Variants in CA12 observed in about 807,000 individuals in gnomAD.
CA12 encodes the protein carbonate dehydratase XII.
A neutral mutation model predicts 46.8 loss-of-function variants in CA12; 36 were observed. The ratio of observed to expected loss-of-function variants is 0.77; its 90% CI spans 0.59 to 1.02. CA12 has a LOEUF of 1.02. Ranked by LOEUF, CA12 falls within the 50% of genes least tolerant of loss-of-function variation. CA12 has a pLI of 0.00. For synonymous variants in CA12, 202 were observed against 187.0 expected (o/e 1.08, Z -0.65); for missense variants, 436 against 451.4 (o/e 0.97, Z 0.31).
intron 2 of CA12, among the ~76,000 whole-genome samples, chr15:63,360,536 C>A (rs1187468361): frequency 1.3e-5 from 2 of 152,204 alleles, no homozygotes; most frequent in African/African-American, 4.8e-5. Context: ...TGTCTCCCAA[C>A]ACTACCCCTC....
At chr15:63,369,230 A>G (rs2039471165) in intron 2 of CA12, among the ~76,000 whole-genome samples, 1 of 152,240 alleles carries the variant, frequency 6.6e-6, no homozygotes, top group African/African-American at 2.4e-5. Flanking sequence ...TCCTGGCTGT[A>G]AAAACTCACA....
chr15:63,351,709 A>G (rs937461134), intron 2 of CA12, among the ~76,000 whole-genome samples: 1 of 152,298 alleles, frequency 6.6e-6, no homozygotes, highest in Non-Finnish European at 1.5e-5. Context: ...GGTCCTGCCA[A>G]AGCTACCCCA....
chr15:63,346,366 C>T (rs995384950), intron 3 of CA12, among the ~76,000 whole-genome samples, 164 bp downstream of exon 3: 1 of 152,172 alleles, frequency 6.6e-6, no homozygotes, highest in African/African-American at 2.4e-5. Flanking sequence ...CCAGCATCCC[C>T]TGGAGAGAGT....
chr15:63,362,880 C>T (rs1313242484), intron 2 of CA12, among the ~76,000 whole-genome samples: 4 of 152,174 alleles, frequency 2.6e-5, no homozygotes, highest in South Asian at 2.1e-4. Context: ...TCTAGAGATG[C>T]GTGAAGTATA....
At chr15:63,343,556 T>C (rs2039109293) in intron 4 of CA12, among the ~76,000 whole-genome samples, 1 of 152,078 alleles carries the variant, frequency 6.6e-6, no homozygotes, top group African/African-American at 2.4e-5. Context: ...GCTGGGATTA[T>C]AGGTGTGAGC....
Position 63,328,085 on chromosome 15 carries a change from C to T in CA12, c.907+13G>A, listed in dbSNP as rs780055510. 17 of 1,612,614 alleles carry T rather than the reference C, an allele frequency of 1.1e-5. No homozygotes were observed. In the South Asian group the frequency reaches 1.9e-4, roughly 18 times the overall value. On this transcript the variant is annotated intron_variant, in intron 9 of 10. Transcript: ENST00000178638. This position sits in a 1 kb window ranked among gnomAD's most constrained non-coding sequence, Gnocchi z 5.9. ...CAGCTGCAGCATGCACGGCTGGCTGCCCAGCCACATACCCAGACTCAGTCC... is the reference window on the plus strand; with the variant it reads ...CAGCTGCAGCATGCACGGCTGGCTGTCCAGCCACATACCCAGACTCAGTCC...
rs2306719 is a variant in CA12, at chr15:63,341,039, T to C, written c.526-256A>G. On this transcript the variant is annotated intron_variant, in intron 5 of 10. Coordinates refer to ENST00000178638, the MANE Select transcript of CA12 (RefSeq NM_001218.5). The surrounding 1 kb of genome is among the most constrained non-coding windows in gnomAD (Gnocchi z 5.2). ...GTCCTGGGGCATAGGGTACCGTGTG[T>C]GCTCTTGATGATCCAGATATGAGCC... is the stretch of plus-strand genomic sequence containing the variant. Among the ~76,000 whole-genome samples the C allele has an allele frequency of 0.045, 6,806 of 152,262 alleles. 198 individuals carry two copies. The highest frequency in any genetic ancestry group is 0.065 in the Middle Eastern group (19 of 294).
At chr15:63,376,830 A>G (rs929056892) in intron 1 of CA12, among the ~76,000 whole-genome samples, 13 of 151,618 alleles carry the variant, frequency 8.6e-5, no homozygotes, top group African/African-American at 2.4e-4. Context: ...TTTCACAGAG[A>G]TGGAGTTTCA....
chr15:63,345,967 A>G lies in CA12; in HGVS notation c.287-348T>C, dbSNP rs1189689194. The stretch of plus-strand genomic sequence containing the variant: ...TAGTGAAGTACCTTCCAAGCTTTAG[A>G]ATTATATAGCAACAGCAACGATAAC... On this transcript the variant is annotated intron_variant, in intron 3 of 10. Coordinates refer to ENST00000178638, the MANE Select transcript of CA12 (RefSeq NM_001218.5). This position sits in a 1 kb window ranked among gnomAD's most constrained non-coding sequence, Gnocchi z 4.3. Among the ~76,000 whole-genome samples, 1 of 152,236 alleles carries G rather than the reference A, an allele frequency of 6.6e-6. No homozygotes were observed. The highest frequency in any genetic ancestry group is 1.5e-5 in the Non-Finnish European group (1 of 68,038).
rs1822979041 is a variant in CA12 at position 63,325,177 on chromosome 15, C to T, written c.*1108G>A. The T allele has an allele frequency of 6.6e-6, 1 of 152,184 alleles. No individual in the cohort carries two copies. Among genetic ancestry groups the T allele is most frequent in the Non-Finnish European group, 1.5e-5 (1 of 68,030 alleles). The allele number at this position is 152,184 out of a possible 1,614,324, so 9.4% of individuals were successfully genotyped here. On this transcript the variant is annotated 3_prime_UTR_variant, in exon 11 of 11. Coordinates refer to ENST00000178638, the MANE Select transcript of CA12 (RefSeq NM_001218.5). The surrounding 1 kb of genome is among the most constrained non-coding windows in gnomAD (Gnocchi z 4.9). ...ATATTTGATCTAAACCACGATTTGA[C>T]ATCTTCAGAGAGAGAGAAGTAGATA... is the stretch of plus-strand genomic sequence containing the variant.
intron 8 of CA12, 40 bp downstream of exon 8, chr15:63,338,779 C>T: frequency 1.9e-6 from 3 of 1,612,638 alleles, no homozygotes; most frequent in Non-Finnish European, 2.5e-6. Flanking sequence ...CTTGGCACCA[C>T]ACTCCCGCAC....
intron 2 of CA12, among the ~76,000 whole-genome samples, chr15:63,356,539 T>C (rs562639002): frequency 3.0e-4 from 45 of 151,604 alleles, no homozygotes; most frequent in African/African-American, 1.1e-3. Context: ...TTTTTTTTTT[T>C]GAGACAGAGT....
rs1396473879 is a variant in CA12, at chr15:63,324,752, G to A, written c.*1533C>T. 6.8e-6 allele frequency: 1 copy of A among 147,014 alleles called. No homozygotes were observed. The highest frequency in any genetic ancestry group is 2.5e-5 in the African/African-American group (1 of 39,488). 9.1% of individuals were successfully genotyped at this position (147,014 alleles called of 1,614,324 possible). On this transcript the variant is annotated 3_prime_UTR_variant, in exon 11 of 11. Transcript: ENST00000178638. ...CACCCAGGCTAGAGTGCAGTGGCATGACCTTGGCTTACTGCAACCTCCGCC... is the reference window on the plus strand; with the variant it reads ...CACCCAGGCTAGAGTGCAGTGGCATAACCTTGGCTTACTGCAACCTCCGCC...
intron 2 of CA12, among the ~76,000 whole-genome samples, chr15:63,364,324 C>T (rs967217930): frequency 3.6e-4 from 18 of 49,816 alleles, no homozygotes; most frequent in African/African-American, 4.7e-4. Flanking sequence ...AGTGAAACCC[C>T]GTCACTAGAA....
rs145773621 is a variant in CA12, at chr15:63,331,054, C to G, written c.875-2924G>C. ...GTGTCACCCGATAGTTCCACCACCT[C>G]AGGAAGCCCAGGGCAGGAAGGTGTT... On this transcript the variant is annotated intron_variant, in intron 8 of 10. Coordinates refer to ENST00000178638, the MANE Select transcript of CA12 (RefSeq NM_001218.5). The surrounding 1 kb of genome is among the most constrained non-coding windows in gnomAD (Gnocchi z 5.3). 6.6e-6 allele frequency among the ~76,000 whole-genome samples: 1 copy of G among 152,218 alleles called. No individual in the cohort carries two copies. Among genetic ancestry groups the G allele is most frequent in the East Asian group, 1.9e-4 (1 of 5,198 alleles).
chr15:63,364,511 T>C (rs566730319), intron 2 of CA12, among the ~76,000 whole-genome samples: 11 of 151,866 alleles, frequency 7.2e-5, no homozygotes, highest in Non-Finnish European at 1.2e-4. Context: ...CAGCTGGGAG[T>C]ATGTGTGAGT....
intron 2 of CA12, among the ~76,000 whole-genome samples, chr15:63,358,134 T>A (rs1314026782): frequency 6.6e-6 from 1 of 152,254 alleles, no homozygotes; most frequent in African/African-American, 2.4e-5. Context: ...TAAATTGCTA[T>A]GGATTCTCTT....
chr15:63,369,559 T>A (rs1452038143), intron 2 of CA12, among the ~76,000 whole-genome samples: 1 of 152,246 alleles, frequency 6.6e-6, no homozygotes, highest in African/African-American at 2.4e-5. Context: ...CCCCAGAGTT[T>A]CTGGTTAGGA....
In CA12 at chr15:63,374,652, A is replaced by T. The variant is rs1228472239; in HGVS notation, c.106+1006T>A. On this transcript the variant is annotated intron_variant, in intron 2 of 10. Coordinates refer to ENST00000178638, the MANE Select transcript of CA12 (RefSeq NM_001218.5). The surrounding 1 kb of genome is among the most constrained non-coding windows in gnomAD (Gnocchi z 4.4). Reference sequence around the variant, plus strand: ...GGGTAGCTGGTTGGTCAGTTCAGTGACTTTTCTATGCATCTTGGGCTGGTG... The same window carrying T: ...GGGTAGCTGGTTGGTCAGTTCAGTGTCTTTTCTATGCATCTTGGGCTGGTG... Among the ~76,000 whole-genome samples, 1 of 152,144 alleles carries T rather than the reference A, an allele frequency of 6.6e-6. No individual in the cohort carries two copies. Among genetic ancestry groups the T allele is most frequent in the Non-Finnish European group, 1.5e-5 (1 of 68,022 alleles).
Sources: gnomAD v4.1 joint callset for allele counts (sites outside exome capture counted in the v4.1 genomes callset) on GRCh38, gnomAD v4.1.1 for gene constraint, Gnocchi (gnomAD v3.1) non-coding constraint, MANE v1.5 for transcripts, NCBI Gene and HGNC (gene_info 2026-07-23, HGNC 2026-07-21) for gene names.